Variants in BCL2 observed in about 807,000 individuals in gnomAD.
BCL2 encodes BCL2 apoptosis regulator.
Under a neutral mutation model 14.2 loss-of-function variants are expected in BCL2, and 1 was observed. The ratio of observed to expected loss-of-function variants is 0.07; its 90% CI spans 0.02 to 0.33. The LOEUF is 0.33. Ranked by LOEUF, BCL2 falls within the 10% of genes least tolerant of loss-of-function variation. The pLI is 0.99. For synonymous variants in BCL2, 151 were observed against 137.2 expected (o/e 1.10, Z -0.70); for missense variants, 247 against 305.9 (o/e 0.81, Z 1.44).
intron 2 of BCL2, among the ~76,000 whole-genome samples, chr18:63,190,215 G>C (rs987182877): frequency 6.6e-6 from 1 of 152,124 alleles, no homozygotes. Flanking sequence ...ATGTAAGACT[G>C]TTGAATCCAC....
chr18:63,183,671 G>C (rs953666707), intron 2 of BCL2, among the ~76,000 whole-genome samples: 3 of 152,214 alleles, frequency 2.0e-5, no homozygotes, highest in Admixed American at 2.0e-4. Context: ...ATGTGTGGAA[G>C]GAGTTCAGAA....
At chr18:63,165,624 G>A (rs931794183) in intron 2 of BCL2, among the ~76,000 whole-genome samples, 37 of 152,376 alleles carry the variant, frequency 2.4e-4, no homozygotes, top group African/African-American at 7.2e-4. Flanking sequence ...AAAAGGAGCC[G>A]TGGAGAAACT....
chr18:63,241,874 GA>G (rs1227959932), intron 2 of BCL2, among the ~76,000 whole-genome samples: 4 of 152,282 alleles, frequency 2.6e-5, no homozygotes, highest in African/African-American at 7.2e-5. Flanking sequence ...ATACAACTTT[GA>G]AAAGGAGTTG....
intron 2 of BCL2, among the ~76,000 whole-genome samples, chr18:63,251,257 C>G (rs967626008): frequency 6.6e-6 from 1 of 152,016 alleles, no homozygotes; most frequent in South Asian, 2.1e-4. Context: ...TCTTATTATG[C>G]AGAGAAAGTC....
At chr18:63,247,804 G>A (rs1911195817) in intron 2 of BCL2, among the ~76,000 whole-genome samples, 1 of 152,184 alleles carries the variant, frequency 6.6e-6, no homozygotes, top group African/African-American at 2.4e-5. Flanking sequence ...TAAAAGAGGA[G>A]AGGCTTCAGA....
intron 2 of BCL2, among the ~76,000 whole-genome samples, chr18:63,243,328 T>A (rs1489141681): frequency 6.6e-6 from 1 of 151,940 alleles, no homozygotes; most frequent in African/African-American, 2.4e-5. Context: ...CACATGGACA[T>A]ATACAGGGGA....
intron 2 of BCL2, among the ~76,000 whole-genome samples, chr18:63,278,356 G>T (rs756586422): frequency 3.3e-5 from 5 of 152,192 alleles, no homozygotes; most frequent in African/African-American, 1.2e-4. Context: ...TCAAACTCAG[G>T]TCGGGCTCCC....
intron 2 of BCL2, among the ~76,000 whole-genome samples, chr18:63,258,542 A>G (rs938591411): frequency 5.3e-5 from 8 of 152,216 alleles, no homozygotes; most frequent in African/African-American, 1.9e-4. Context: ...AGTATAAAAT[A>G]TCTATGTGAT....
intron 2 of BCL2, among the ~76,000 whole-genome samples, chr18:63,235,924 GT>G (rs1158980851): frequency 2.0e-5 from 3 of 152,094 alleles, no homozygotes; most frequent in Non-Finnish European, 4.4e-5. Flanking sequence ...ATATCATGGA[GT>G]TTGTGTTCTA....
At chr18:63,160,909 G>C (rs1001460976) in intron 2 of BCL2, among the ~76,000 whole-genome samples, 1 of 152,114 alleles carries the variant, frequency 6.6e-6, no homozygotes, top group African/African-American at 2.4e-5. Context: ...TGAGTGCCAG[G>C]CAGCTCTAGA....
intron 2 of BCL2, among the ~76,000 whole-genome samples, chr18:63,268,921 T>C (rs1046568251): frequency 6.6e-6 from 1 of 151,912 alleles, no homozygotes; most frequent in African/African-American, 2.4e-5. Flanking sequence ...ATATTACATA[T>C]TATTATTATT....
At chr18:63,198,192 A>T (rs1040901919) in intron 2 of BCL2, among the ~76,000 whole-genome samples, 1 of 151,850 alleles carries the variant, frequency 6.6e-6, no homozygotes, top group African/African-American at 2.4e-5. Flanking sequence ...ACACACACAC[A>T]CACAGAGACA....
chr18:63,242,565 C>T (rs1311393933), intron 2 of BCL2, among the ~76,000 whole-genome samples: 1 of 152,074 alleles, frequency 6.6e-6, no homozygotes, highest in Non-Finnish European at 1.5e-5. Flanking sequence ...ATCCTGAGTT[C>T]CTCTCTTCTG....
chr18:63,154,242 C>T (rs1017421318), intron 2 of BCL2, among the ~76,000 whole-genome samples: 14 of 152,310 alleles, frequency 9.2e-5, no homozygotes, highest in Admixed American at 7.8e-4. Flanking sequence ...ACAGAAGTCT[C>T]TTAGGATGTC....
chr18:63,214,696 T>TTTAC lies in BCL2; in HGVS notation c.586-85938_586-85937insGTAA, dbSNP rs1156588430. Among the ~76,000 whole-genome samples, 9 of 146,758 alleles carry TTTAC rather than the reference T, an allele frequency of 6.1e-5. No individual in the cohort carries two copies. The East Asian group carries it at 1.7e-3, about 28-fold the overall frequency. On this transcript the variant is annotated intron_variant, in intron 2 of 2. Transcript: ENST00000333681. ...GCCCTAAGGCTCATTTCTTTTCTTT[T>TTTAC]TTATTTATTTATTTATTTATTTATC...
rs4987744 is a variant in BCL2 at position 63,259,576 on chromosome 18, G to A, written c.585+58506C>T. 2.0e-4 allele frequency among the ~76,000 whole-genome samples: 30 copies of A among 152,318 alleles called. No individual in the cohort carries two copies. The East Asian group carries it at 2.9e-3, about 15-fold the overall frequency. On this transcript the variant is annotated intron_variant, in intron 2 of 2. Coordinates refer to ENST00000333681, the MANE Select transcript of BCL2 (RefSeq NM_000633.3). The stretch of plus-strand genomic sequence containing the variant: ...GGCAGTCATTGCCCAAGGGGAAACC[G>A]TTTGCTTTTATTTTCATCCTGGCCT...
At chr18:63,155,784 GC>G (rs1449848693) in intron 2 of BCL2, among the ~76,000 whole-genome samples, 2 of 152,202 alleles carry the variant, frequency 1.3e-5, no homozygotes, top group Non-Finnish European at 2.9e-5. Context: ...TGCAGATCTT[GC>G]CCCGAGCTCA....
chr18:63,224,893 T>C (rs944686595), intron 2 of BCL2, among the ~76,000 whole-genome samples: 2 of 151,688 alleles, frequency 1.3e-5, no homozygotes, highest in Non-Finnish European at 2.9e-5. Flanking sequence ...AACAATGGGG[T>C]AAAACAAGAG....
intron 2 of BCL2, among the ~76,000 whole-genome samples, chr18:63,285,967 T>C (rs1912460439): frequency 6.6e-6 from 1 of 152,328 alleles, no homozygotes; most frequent in South Asian, 2.1e-4. Context: ...TCCCTGTCCT[T>C]TCTGCAACAG....
Sources: gnomAD v4.1 joint callset for allele counts (sites outside exome capture counted in the v4.1 genomes callset) on GRCh38, gnomAD v4.1.1 for gene constraint, MANE v1.5 for transcripts, NCBI Gene and HGNC (gene_info 2026-07-23, HGNC 2026-07-21) for gene names.